Variants in TEX11 observed in about 807,000 individuals in gnomAD.
TEX11 encodes testis expressed 11, also known as testis-expressed protein 11.
TEX11 carries 7 observed loss-of-function variants against 84.4 expected under a neutral mutation model. The observed-to-expected ratio is 0.08, with a 90% confidence interval of 0.05 to 0.16. TEX11 has a LOEUF of 0.16. TEX11 is among the 10% of genes least tolerant of loss of function. The pLI, the probability that TEX11 is intolerant of heterozygous loss-of-function variation, is 1.00. For synonymous variants in TEX11, 264 were observed against 222.8 expected, an observed-to-expected ratio of 1.18 and a Z score of -1.64; for missense variants, 551 against 660.5, an observed-to-expected ratio of 0.83 and a Z score of 1.82.
chrX:70,907,722 C>T, intron 2 of TEX11, 31 bp downstream of exon 2: 1 of 1,090,958 alleles, frequency 9.2e-7, no homozygotes, highest in South Asian at 1.9e-5. Flanking sequence ...CAGTTTGACA[C>T]TATTTTGTAC....
In TEX11 at chrX:70,612,112, T is replaced by C. The variant is rs374694342; in HGVS notation, c.1752-1569A>G. Among the ~76,000 whole-genome samples the C allele has an allele frequency of 3.0e-4, 33 of 109,833 alleles. 1 individual carries two copies. The highest frequency in any genetic ancestry group is 1.8e-3 in the Admixed American group (18 of 10,247). ...ATGATCATGCCACTGCATTCCAGCCTGGGTGACAGAACGAGACACCATCTC... is the reference window on the plus strand; with the variant it reads ...ATGATCATGCCACTGCATTCCAGCCCGGGTGACAGAACGAGACACCATCTC... On this transcript the variant is annotated intron_variant, in intron 20 of 29. Transcript: ENST00000374333.
chrX:70,725,265 C>T lies in TEX11; in HGVS notation c.922G>A (p.Glu308Lys). The change falls in exon 12 of 30, where the codon GAA becomes AAA. Residue 308 changes from glutamate (E) to lysine (K), a missense_variant. Glu to Lys is a moderately conservative substitution (Grantham distance 56). Transcript: ENST00000374333. ...TCTTCACATACAGAGATCATACCTTCAAGGAGTTCTTCATTAGATGTTTCG... is the reference window on the plus strand; with the variant it reads ...TCTTCACATACAGAGATCATACCTTTAAGGAGTTCTTCATTAGATGTTTCG... ...KGETSNEELL[E>K]AVMEILHLDM... is the part of the protein sequence containing the mutation. 8.4e-7 allele frequency: 1 copy of T among 1,188,412 alleles called. No individual in the cohort carries two copies. The highest frequency in any genetic ancestry group is 1.1e-6 in the Non-Finnish European group (1 of 878,296).
intron 9 of TEX11, among the ~76,000 whole-genome samples, chrX:70,805,041 T>C (rs2091210592): frequency 9.6e-6 from 1 of 104,346 alleles, no homozygotes; most frequent in Non-Finnish European, 2.0e-5. Flanking sequence ...TTTTGATACA[T>C]TGATGCCATA....
At chrX:70,581,942 C>T (rs749220597) in intron 25 of TEX11, among the ~76,000 whole-genome samples, 153 of 111,682 alleles carry the variant, frequency 1.4e-3, no homozygotes, top group Non-Finnish European at 2.6e-3. Flanking sequence ...ACTTTCTGTT[C>T]TCAGGACCTC....
chrX:70,566,820 G>A (rs747822796), intron 25 of TEX11, among the ~76,000 whole-genome samples: 2 of 111,554 alleles, frequency 1.8e-5, no homozygotes, highest in South Asian at 7.6e-4. Flanking sequence ...ATTTTATTGA[G>A]GATTTTTGCA....
At chrX:70,803,413 T>A (rs1053489860) in intron 9 of TEX11, among the ~76,000 whole-genome samples, 2 of 111,205 alleles carry the variant, frequency 1.8e-5, no homozygotes, top group African/African-American at 3.3e-5. Context: ...ATTTATGAAC[T>A]TTTCTTAGCA....
chrX:70,827,294 T>C (rs2091352276), intron 8 of TEX11, among the ~76,000 whole-genome samples: 2 of 111,900 alleles, frequency 1.8e-5, no homozygotes, highest in Non-Finnish European at 3.8e-5. Flanking sequence ...CCATGGGCCT[T>C]GGGCTCTGAG....
intron 13 of TEX11, among the ~76,000 whole-genome samples, chrX:70,700,000 T>C (rs2090312974): frequency 8.9e-6 from 1 of 112,066 alleles, no homozygotes; most frequent in Admixed American, 9.5e-5. Context: ...TTAAATCTTA[T>C]ATAACTATAG....
intron 9 of TEX11, among the ~76,000 whole-genome samples, chrX:70,785,457 A>C (rs889935466): frequency 4.5e-5 from 5 of 112,113 alleles, no homozygotes; most frequent in Non-Finnish European, 9.4e-5. Context: ...CAAAAGCCAA[A>C]ATTGACAAAT....
chrX:70,724,902 A>G (rs1473907355), intron 12 of TEX11, among the ~76,000 whole-genome samples: 1 of 111,335 alleles, frequency 9.0e-6, no homozygotes, highest in Non-Finnish European at 1.9e-5. Context: ...ATAAACAAGT[A>G]ATTATAAAAA....
intron 7 of TEX11, among the ~76,000 whole-genome samples, chrX:70,839,859 C>T (rs973104266): frequency 2.2e-4 from 24 of 111,172 alleles, no homozygotes; most frequent in Non-Finnish European, 3.6e-4. Flanking sequence ...CCTCAGTAGC[C>T]GATGCGATCA....
chrX:70,518,157 T>G, the TEX11 span, among the ~76,000 whole-genome samples: 5 of 111,359 alleles, frequency 4.5e-5, no homozygotes, highest in Non-Finnish European at 7.5e-5. Context: ...TTTCTTGCCT[T>G]CTGCTAGCTT....
chrX:70,662,295 CGAGAA>C (rs935318918), intron 16 of TEX11, among the ~76,000 whole-genome samples: 4 of 110,130 alleles, frequency 3.6e-5, no homozygotes, highest in African/African-American at 1.3e-4. Flanking sequence ...TGAAATGAAG[CGAGAA>C]GAGAAGTTTA....
At chrX:70,644,468 C>T (rs74732418) in intron 17 of TEX11, among the ~76,000 whole-genome samples, 7,873 of 106,967 alleles carry the variant, frequency 0.074, 418 homozygotes, top group Admixed American at 0.23. Flanking sequence ...AAGACACATG[C>T]ACACGTACGT....
intron 25 of TEX11, among the ~76,000 whole-genome samples, chrX:70,568,208 T>G (rs1272286741): frequency 1.8e-5 from 2 of 111,632 alleles, no homozygotes; most frequent in East Asian, 2.8e-4. Flanking sequence ...GTCTGTTTGA[T>G]CAGAGAATAG....
intron 25 of TEX11, among the ~76,000 whole-genome samples, chrX:70,567,933 G>T (rs1158781346): frequency 9.0e-6 from 1 of 111,423 alleles, no homozygotes; most frequent in Non-Finnish European, 1.9e-5. Context: ...ACTTGGTGCA[G>T]AGCTGAGTTC....
At chrX:70,836,799 C>T (rs780669059) in intron 7 of TEX11, among the ~76,000 whole-genome samples, 3 of 111,529 alleles carry the variant, frequency 2.7e-5, no homozygotes, top group African/African-American at 9.8e-5. Context: ...GGTGGATCAC[C>T]TGAGGTCAGC....
intron 18 of TEX11, among the ~76,000 whole-genome samples, chrX:70,627,678 C>T (rs1474150305): frequency 2.7e-5 from 3 of 111,029 alleles, no homozygotes; most frequent in Non-Finnish European, 5.7e-5. Context: ...TGCTTAATAC[C>T]CCACTCTCAC....
intron 9 of TEX11, among the ~76,000 whole-genome samples, chrX:70,759,072 G>A (rs2090889876): frequency 9.0e-6 from 1 of 111,655 alleles, no homozygotes; most frequent in Non-Finnish European, 1.9e-5. Flanking sequence ...CCAGGAAGAA[G>A]TTGAATTTCT....
Sources: allele counts gnomAD v4.1 joint callset (sites outside exome capture counted in the v4.1 genomes callset), GRCh38; gene constraint gnomAD v4.1.1; transcripts MANE v1.5; gene names NCBI Gene and HGNC (gene_info 2026-07-23, HGNC 2026-07-21).